PSPC1: variants seen among roughly 807,000 people sequenced by gnomAD.
PSPC1 encodes the protein paraspeckle protein 1.
PSPC1 carries 14 observed loss-of-function variants against 51.6 expected under a neutral mutation model. The ratio of observed to expected loss-of-function variants is 0.27; its 90% confidence interval spans 0.18 to 0.42. The LOEUF is 0.42. Among genes scored for constraint, PSPC1 ranks in the 10% least tolerant of loss-of-function variants. The pLI is 1.00. For missense variants in PSPC1, 406 were observed against 701.1 expected (o/e 0.58, Z 4.75); for synonymous variants, 193 against 231.9 (o/e 0.83, Z 1.53).
chr13:19,739,862 T>TAAA (rs1005642453), intron 5 of PSPC1, among the ~76,000 whole-genome samples: 310 of 129,362 alleles, frequency 2.4e-3, no homozygotes, highest in African/African-American at 8.2e-3. Context: ...GAGAGTTGTT[T>TAAA]AAAAAAAAAA....
chr13:19,684,695 G>A (rs536597961), intron 6 of PSPC1, among the ~76,000 whole-genome samples: 1 of 152,296 alleles, frequency 6.6e-6, no homozygotes, highest in African/African-American at 2.4e-5. Flanking sequence ...TCACTGCAGT[G>A]TTATGTGCTG....
intron 1 of PSPC1, among the ~76,000 whole-genome samples, chr13:19,775,331 G>A (rs1425563906): frequency 1.3e-5 from 2 of 150,526 alleles, no homozygotes; most frequent in South Asian, 2.1e-4. Flanking sequence ...ACGCCTGGGT[G>A]ACAGAGCGAG....
At chr13:19,739,635 T>C (rs1885210406) in intron 5 of PSPC1, among the ~76,000 whole-genome samples, 4 of 151,582 alleles carry the variant, frequency 2.6e-5, no homozygotes, top group Non-Finnish European at 5.9e-5. Flanking sequence ...TAATCCCAGC[T>C]AGGAAGCTGA....
chr13:19,764,105 A>G (rs1307855796), intron 2 of PSPC1, among the ~76,000 whole-genome samples: 1 of 152,186 alleles, frequency 6.6e-6, no homozygotes, highest in African/African-American at 2.4e-5. Context: ...GTGTTAATTT[A>G]TTTACAAAAA....
At chr13:19,752,246 C>G (rs1886630985) in intron 3 of PSPC1, among the ~76,000 whole-genome samples, 1 of 152,144 alleles carries the variant, frequency 6.6e-6, no homozygotes, top group Non-Finnish European at 1.5e-5. Flanking sequence ...ACCTCTTTCT[C>G]TTGATAGACT....
downstream of PSPC1, among the ~76,000 whole-genome samples, chr13:19,701,126 G>C (rs1445691311): frequency 5.3e-5 from 8 of 152,020 alleles, no homozygotes; most frequent in African/African-American, 9.7e-5. Context: ...CTGGACACTA[G>C]GATGTTCAGG....
intron 7 of PSPC1, among the ~76,000 whole-genome samples, chr13:19,677,019 A>G (rs373830659): frequency 9.4e-4 from 143 of 152,140 alleles, no homozygotes; most frequent in South Asian, 2.7e-3. Flanking sequence ...TGGATCACAA[A>G]GTCAGGAGAT....
Position 19,782,440 on chromosome 13 carries a change from G to A in PSPC1, c.318C>T (p.Gly106=), listed in dbSNP as rs377358815. 6.2e-7 allele frequency: 1 copy of A among 1,609,816 alleles called. No individual in the cohort carries two copies. Among genetic ancestry groups the A allele is most frequent in the East Asian group, 2.3e-5 (1 of 44,382 alleles). ...EDFKRLFERY[G]EPSEVFINRD... ...GGTTGATGAAGACTTCGCTGGGCTC[G>A]CCATAGCGTTCGAAGAGCCTCTTGA... Residue 106 remains glycine, a synonymous_variant, in exon 1 of 9, where the codon GGC becomes GGT. Transcript: ENST00000338910. This position sits in a 1 kb window ranked among gnomAD's most constrained non-coding sequence, Gnocchi z 4.5.
chr13:19,677,103 G>T (rs1163213636), intron 7 of PSPC1, among the ~76,000 whole-genome samples: 2 of 151,952 alleles, frequency 1.3e-5, no homozygotes, highest in African/African-American at 4.8e-5. Context: ...CATGGTGGCA[G>T]GCGCCTGTGG....
chr13:19,770,411 G>T (rs761810125), intron 2 of PSPC1, among the ~76,000 whole-genome samples: 218 of 152,166 alleles, frequency 1.4e-3, no homozygotes, highest in Admixed American at 1.0e-3. Flanking sequence ...TGTAATCCCA[G>T]CACTTTGGGA....
At chr13:19,726,144 G>A (rs1382359368) in intron 6 of PSPC1, among the ~76,000 whole-genome samples, 1 of 152,038 alleles carries the variant, frequency 6.6e-6, no homozygotes, top group African/African-American at 2.4e-5. Context: ...TCCAGCCTGG[G>A]CAACACAGCA....
chr13:19,717,699 CTG>C (rs1391318329), intron 6 of PSPC1, among the ~76,000 whole-genome samples: 1 of 124,100 alleles, frequency 8.1e-6, no homozygotes, highest in Non-Finnish European at 1.6e-5. Flanking sequence ...GAGAAAGACT[CTG>C]TCTCAAAAAA....
In PSPC1 at chr13:19,712,414, G is replaced by T. The variant is rs570083024; in HGVS notation, c.1159-2815C>A. 8.2e-4 allele frequency among the ~76,000 whole-genome samples: 125 copies of T among 152,088 alleles called. 1 individual carries two copies. Among genetic ancestry groups the T allele is most frequent in the Non-Finnish European group, 1.6e-3 (107 of 68,000 alleles). On this transcript the variant is annotated intron_variant, in intron 6 of 8. Transcript: ENST00000338910. ...AAACAATCTTTTTTATTGTCTCTTT[G>T]TATTTTCAGCTCTATGTATCACTTT...
chr13:19,702,686 A>G lies in PSPC1; in HGVS notation c.*489T>C, dbSNP rs1247803183. 1 of 155,584 alleles carries G rather than the reference A, an allele frequency of 6.4e-6. No individual in the cohort carries two copies. The highest frequency in any genetic ancestry group is 2.4e-5 in the African/African-American group (1 of 41,270). The allele number at this position is 155,584 out of a possible 1,614,324, so 9.6% of individuals were successfully genotyped here. A position where few individuals can be genotyped will look rare whatever the true frequency, so the allele number is the denominator to read the frequency against. ...ATACCCTCCCACCCCCACATATACT[A>G]CTCTATCTACCCCTTATTGACATTA... is the stretch of plus-strand genomic sequence containing the variant. On this transcript the variant is annotated 3_prime_UTR_variant, in exon 9 of 9. Transcript: ENST00000338910.
rs758589351 is a variant in PSPC1 at position 19,709,562 on chromosome 13, C to T, written c.1196G>A (p.Arg399His). The T allele has an allele frequency of 5.6e-6, 9 of 1,612,596 alleles. No homozygotes were observed. The highest frequency in any genetic ancestry group is 7.6e-6 in the Non-Finnish European group (9 of 1,179,490). Reference sequence around the variant, plus strand: ...CCTACCTCCCATGTTTATTGCTCCACGGGGACCCATATCACCCATTCTCAT... The same window carrying T: ...CCTACCTCCCATGTTTATTGCTCCATGGGGACCCATATCACCCATTCTCAT... Reference protein sequence around the residue: ...QEMRMGDMGPRGAINMGDAFS... With the variant: ...QEMRMGDMGPHGAINMGDAFS... Residue 399 changes from arginine (R) to histidine (H), a missense_variant, in exon 7 of 9, where the codon CGT (arginine) becomes CAT (histidine). Transcript: ENST00000338910.
At chr13:19,710,844 T>C (rs77290851) in intron 6 of PSPC1, among the ~76,000 whole-genome samples, 1 of 19,784 alleles carries the variant, frequency 5.1e-5, no homozygotes, top group African/African-American at 7.2e-5. Context: ...AAAGCTTAAT[T>C]TTTTTTTTTT....
intron 7 of PSPC1, chr13:19,675,002 G>T (rs1288753199): frequency 1.3e-5 from 2 of 152,282 alleles, no homozygotes; most frequent in African/African-American, 2.4e-5. Flanking sequence ...GACAATGAAG[G>T]TTCAGAATTC....
At chr13:19,709,158 CAAAAA>C (rs11446310) in intron 7 of PSPC1, among the ~76,000 whole-genome samples, 882 of 83,718 alleles carry the variant, frequency 0.011, 13 homozygotes, top group African/African-American at 0.04. Context: ...GGTCCTGCCT[CAAAAA>C]AAAAAAAAAA....
At chr13:19,680,169 C>T (rs566198097) in intron 6 of PSPC1, among the ~76,000 whole-genome samples, 48 of 152,162 alleles carry the variant, frequency 3.2e-4, no homozygotes, top group Non-Finnish European at 4.6e-4. Flanking sequence ...CGCACACTAC[C>T]GCGCCCAGCT....
Sources: gnomAD v4.1 joint callset for allele counts (sites outside exome capture counted in the v4.1 genomes callset) on GRCh38, gnomAD v4.1.1 for gene constraint, Gnocchi (gnomAD v3.1) non-coding constraint, MANE v1.5 for transcripts, NCBI Gene and HGNC (gene_info 2026-07-23, HGNC 2026-07-21) for gene names.